Variants in MAP4K4 observed in about 807,000 individuals in gnomAD.
MAP4K4 encodes HPK/GCK-like kinase HGK.
A neutral mutation model predicts 189.6 loss-of-function variants in MAP4K4; 38 were observed. The ratio of observed to expected loss-of-function variants is 0.20; its 90% confidence interval spans 0.15 to 0.26. The LOEUF (loss-of-function observed/expected upper bound fraction) is 0.26. MAP4K4 is among the 10% of genes least tolerant of loss of function. The pLI is 1.00. For synonymous variants in MAP4K4, 610 were observed against 624.3 expected, an observed-to-expected ratio of 0.98 and a Z score of 0.34; for missense variants, 1,054 against 1,726.9, an observed-to-expected ratio of 0.61 and a Z score of 6.91.
intron 9 of MAP4K4, 53 bp from the exon 10 acceptor site, chr2:101,839,766 T>A: frequency 2.9e-6 from 4 of 1,384,370 alleles, no homozygotes; most frequent in Non-Finnish European, 3.9e-6. Context: ...ACTGATATTT[T>A]CGATCTTTAC....
intron 31 of MAP4K4, 87 bp downstream of exon 31, chr2:101,888,024 C>A: frequency 8.1e-7 from 1 of 1,235,298 alleles, no homozygotes; most frequent in Non-Finnish European, 1.1e-6. Flanking sequence ...TTTTGTATGT[C>A]CTTCAGACCT....
chr2:101,841,162 T>G (rs1168863692), intron 10 of MAP4K4, among the ~76,000 whole-genome samples: 1 of 152,196 alleles, frequency 6.6e-6, no homozygotes, highest in African/African-American at 2.4e-5. Flanking sequence ...GCAGAGCACC[T>G]TCCCTTCCTT....
intron 2 of MAP4K4, among the ~76,000 whole-genome samples, chr2:101,727,802 C>G (rs568143167): frequency 1.3e-5 from 2 of 152,262 alleles, no homozygotes; most frequent in African/African-American, 4.8e-5. Flanking sequence ...AACCCTGTCT[C>G]TACTAAAAAT....
chr2:101,887,554 A>G (rs1170534091), intron 30 of MAP4K4, among the ~76,000 whole-genome samples: 10 of 152,172 alleles, frequency 6.6e-5, no homozygotes, highest in Non-Finnish European at 1.5e-4. Context: ...CCAGCATCCA[A>G]TGTTTCATGG....
chr2:101,854,100 G>T (rs1418686083), intron 12 of MAP4K4, among the ~76,000 whole-genome samples: 1 of 152,088 alleles, frequency 6.6e-6, no homozygotes, highest in East Asian at 1.9e-4. Context: ...AAGGATTCCC[G>T]GGAAGTTTGT....
At chr2:101,796,215 G>C (rs1398047031) in intron 3 of MAP4K4, among the ~76,000 whole-genome samples, 2 of 152,164 alleles carry the variant, frequency 1.3e-5, no homozygotes, top group Non-Finnish European at 2.9e-5. Flanking sequence ...GTTAAAGCAG[G>C]GGATTCTCAA....
intron 2 of MAP4K4, among the ~76,000 whole-genome samples, chr2:101,723,990 C>G (rs1210747409): frequency 6.6e-6 from 1 of 152,208 alleles, no homozygotes; most frequent in Admixed American, 6.5e-5. Flanking sequence ...AACTTCTGCT[C>G]TAGTAAATGA....
intron 16 of MAP4K4, chr2:101,862,379 A>T (rs1400500722): frequency 1.3e-5 from 2 of 151,048 alleles, no homozygotes; most frequent in Non-Finnish European, 2.9e-5. Context: ...TCCAGAGAGG[A>T]GAGGATAGAA....
intron 3 of MAP4K4, among the ~76,000 whole-genome samples, chr2:101,813,904 C>T (rs2095573428): frequency 6.6e-6 from 1 of 152,174 alleles, no homozygotes; most frequent in African/African-American, 2.4e-5. Flanking sequence ...TCCATTGGGA[C>T]TTTGAAGCTT....
chr2:101,880,918 G>A (rs1415923167), intron 27 of MAP4K4, among the ~76,000 whole-genome samples: 2 of 152,136 alleles, frequency 1.3e-5, no homozygotes, highest in African/African-American at 2.4e-5. Flanking sequence ...TTGAAGTCAG[G>A]TACTGTCAGT....
intron 12 of MAP4K4, among the ~76,000 whole-genome samples, chr2:101,845,716 A>G (rs753793007): frequency 1.3e-5 from 2 of 152,180 alleles, no homozygotes; most frequent in Non-Finnish European, 2.9e-5. Context: ...TGGCTATTTC[A>G]CTTGGGGATC....
chr2:101,779,095 A>G (rs1437427343), intron 2 of MAP4K4, among the ~76,000 whole-genome samples: 1 of 152,244 alleles, frequency 6.6e-6, no homozygotes, highest in East Asian at 1.9e-4. Context: ...CACAATAAAT[A>G]AATGGATATT....
At chr2:101,778,160 G>T (rs2085291375) in intron 2 of MAP4K4, among the ~76,000 whole-genome samples, 1 of 152,096 alleles carries the variant, frequency 6.6e-6, no homozygotes, top group African/African-American at 2.4e-5. Context: ...CTGTGGGTCT[G>T]GGGGGACCCA....
intron 12 of MAP4K4, among the ~76,000 whole-genome samples, chr2:101,855,367 C>A (rs2097420470): frequency 6.6e-6 from 1 of 152,052 alleles, no homozygotes; most frequent in Admixed American, 6.5e-5. Context: ...ATAATGACTT[C>A]CTTGGGTTGT....
At chr2:101,746,348 A>G (rs903006062) in intron 2 of MAP4K4, among the ~76,000 whole-genome samples, 5 of 151,064 alleles carry the variant, frequency 3.3e-5, no homozygotes, top group Non-Finnish European at 5.9e-5. Flanking sequence ...GGTATGGTGA[A>G]TAAACATGGT....
intron 2 of MAP4K4, among the ~76,000 whole-genome samples, chr2:101,713,867 C>T (rs561573705): frequency 2.6e-5 from 4 of 152,146 alleles, no homozygotes; most frequent in Non-Finnish European, 5.9e-5. Flanking sequence ...GCACTCCAGC[C>T]TGGGTGACAG....
chr2:101,719,665 A>C (rs1212035650), intron 2 of MAP4K4, among the ~76,000 whole-genome samples: 1 of 152,204 alleles, frequency 6.6e-6, no homozygotes, highest in Non-Finnish European at 1.5e-5. Context: ...AGCAGACAGT[A>C]AAATGCGTCG....
At chr2:101,807,284 C>A (rs1258947924) in intron 3 of MAP4K4, among the ~76,000 whole-genome samples, 1 of 152,012 alleles carries the variant, frequency 6.6e-6, no homozygotes, top group Non-Finnish European at 1.5e-5. Context: ...TCTCAAAACT[C>A]CTGGGCTCAA....
At chr2:101,758,713 G>T (rs921289320) in intron 2 of MAP4K4, among the ~76,000 whole-genome samples, 1 of 152,164 alleles carries the variant, frequency 6.6e-6, no homozygotes, top group Non-Finnish European at 1.5e-5. Flanking sequence ...AGAAAGGAAA[G>T]AAAATATGAG....
Sources: gnomAD v4.1 joint callset for allele counts (sites outside exome capture counted in the v4.1 genomes callset) on GRCh38, gnomAD v4.1.1 for gene constraint, MANE v1.5 for transcripts, NCBI Gene and HGNC (gene_info 2026-07-23, HGNC 2026-07-21) for gene names.